Variants in ZFP37 observed in about 807,000 individuals in gnomAD.
ZFP37 encodes ZFP37 zinc finger protein, also known as zinc finger protein 37 homolog.
ZFP37 carries 38 observed loss-of-function variants against 52.1 expected under a neutral mutation model. That is an observed-to-expected ratio of 0.73 (90% CI 0.56 to 0.96). The LOEUF is 0.96. ZFP37 is among the 40% of genes least tolerant of loss of function. ZFP37 has a pLI of 0.00. For missense variants in ZFP37, 695 were observed against 741.4 expected (o/e 0.94, Z 0.73); for synonymous variants, 253 against 259.5 (o/e 0.98, Z 0.24).
chr9:113,043,518 T>C lies in ZFP37; in HGVS notation c.1100A>G (p.His367Arg). Reference sequence around the variant, plus strand: ...CTTTTCTCCAGTATGAATTCTTAGATGGTCAGTGAGTGCATGTTTATGACC... The same window carrying C: ...CTTTTCTCCAGTATGAATTCTTAGACGGTCAGTGAGTGCATGTTTATGACC... ...AHGHKHALTD[H>R]LRIHTGEKPY... is the part of the protein sequence containing the mutation. The change falls in exon 4 of 4, where the codon CAT becomes CGT. Residue 367 changes from histidine to arginine, a missense_variant. Around this residue, in one of 2 missense-constraint regions of ZFP37, gnomAD observed 326 missense variants for 400.5 expected, o/e 0.81. Coordinates refer to ENST00000374227, the MANE Select transcript of ZFP37 (RefSeq NM_003408.3). The C allele has an allele frequency of 6.2e-7, 1 of 1,614,136 alleles. No individual in the cohort carries two copies. Among genetic ancestry groups the C allele is most frequent in the Non-Finnish European group, 8.5e-7 (1 of 1,179,962 alleles).
Position 113,044,201 on chromosome 9 carries a change from A to T in ZFP37, c.417T>A (p.Val139=). The change falls in exon 4 of 4, where the codon GTT becomes GTA. Residue 139 remains valine, a synonymous_variant. Transcript: ENST00000374227. ...QKSQNKLLRE[V]AVKKKTQAKK... ...TAGCTTGAGTTTTCTTCTTGACTGC[A>T]ACTTCCCTGAGGAGTTTGTTTTGAG... 2 of 1,602,346 alleles carry T rather than the reference A, an allele frequency of 1.2e-6. No individual in the cohort carries two copies. Among genetic ancestry groups the T allele is most frequent in the Non-Finnish European group, 1.7e-6 (2 of 1,177,242 alleles).
intron 1 of ZFP37, among the ~76,000 whole-genome samples, chr9:113,051,031 G>A (rs1423557411): frequency 6.6e-6 from 1 of 151,842 alleles, no homozygotes; most frequent in Non-Finnish European, 1.5e-5. Flanking sequence ...GGAAGGGGAG[G>A]AGAAAGAGGA....
At chr9:113,053,771 T>C (rs867572245) in intron 1 of ZFP37, among the ~76,000 whole-genome samples, 3 of 152,206 alleles carry the variant, frequency 2.0e-5, no homozygotes, top group Admixed American at 6.5e-5. Context: ...TCTGTTAAAA[T>C]GGAAAGTCTT....
rs1179096420 is a variant in ZFP37 at position 113,043,239 on chromosome 9, G to A, written c.1379C>T (p.Pro460Leu). The A allele has an allele frequency of 2.5e-6, 4 of 1,613,892 alleles. No homozygotes were observed. Among genetic ancestry groups the A allele is most frequent in the Non-Finnish European group, 3.4e-6 (4 of 1,179,956 alleles). Reference sequence around the variant, plus strand: ...TTTCCCACATTCATTACATTCAAAGGGTTTCTCACCTGTATGAATTCTCAT... The same window carrying A: ...TTTCCCACATTCATTACATTCAAAGAGTTTCTCACCTGTATGAATTCTCAT... ...KHMRIHTGEKPFECNECGKAF... is the reference protein window; with the variant it reads ...KHMRIHTGEKLFECNECGKAF... The change falls in exon 4 of 4, where the codon CCC becomes CTC. Residue 460 changes from proline to leucine, a missense_variant. By Grantham distance (98) the Pro-to-Leu change is moderately conservative. This residue lies in a region of ZFP37 where 326 missense variants were observed against 400.5 expected (regional missense o/e 0.81). Coordinates refer to ENST00000374227, the MANE Select transcript of ZFP37 (RefSeq NM_003408.3).
chr9:113,047,594 A>T (rs969833176), intron 3 of ZFP37, among the ~76,000 whole-genome samples: 75 of 152,226 alleles, frequency 4.9e-4, no homozygotes, highest in African/African-American at 1.7e-3. Context: ...TATGAAAAAA[A>T]AGAGAAAAAA....
chr9:113,042,773 G>A lies in ZFP37; in HGVS notation c.1845C>T (p.Ser615=). ...ECGKTFKQNA[S]LTKHVKTHSE... The stretch of plus-strand genomic sequence containing the variant: ...AATGAGTTTTCACATGTTTGGTTAG[G>A]GATGCATTTTGTTTGAAAGTTTTCC... The change falls in exon 4 of 4, where the codon TCC becomes TCT. Residue 615 remains serine (S), a synonymous_variant. Coordinates refer to ENST00000374227, the MANE Select transcript of ZFP37 (RefSeq NM_003408.3). 6.2e-7 allele frequency: 1 copy of A among 1,605,802 alleles called. No homozygotes were observed. Among genetic ancestry groups the A allele is most frequent in the East Asian group, 2.2e-5 (1 of 44,736 alleles).
chr9:113,042,840 C>T lies in ZFP37; in HGVS notation c.1778G>A (p.Arg593Gln), dbSNP rs541249239. The T allele has an allele frequency of 8.9e-5, 143 of 1,613,686 alleles. No individual in the cohort carries two copies. The highest frequency in any genetic ancestry group is 8.3e-4 in the Middle Eastern group (5 of 6,052). Residue 593 changes from arginine to glutamine, a missense_variant, in exon 4 of 4, where the codon CGA becomes CAA. Arg to Gln is a conservative substitution (Grantham distance 43). Around this residue, in one of 2 missense-constraint regions of ZFP37, gnomAD observed 326 missense variants for 400.5 expected, o/e 0.81. Transcript: ENST00000374227. ...ATAGGGTTTTTCTCCAGTGTGGGAT[C>T]GCTGATGTATAACAAGCTGTGATTT... is the stretch of plus-strand genomic sequence containing the variant. ...NAKSQLVIHQRSHTGEKPYEC... is the reference protein window; with the variant it reads ...NAKSQLVIHQQSHTGEKPYEC...
chr9:113,043,033 T>C lies in ZFP37; in HGVS notation c.1585A>G (p.Ile529Val). 1 of 1,613,778 alleles carries C rather than the reference T, an allele frequency of 6.2e-7. No homozygotes were observed. Among genetic ancestry groups the C allele is most frequent in the Non-Finnish European group, 8.5e-7 (1 of 1,179,938 alleles). ...CTCTGATGTTGAGTAAGGCCTTCAA[T>C]TTGTTTAAAGCCTTTCCCACATTGA... Reference protein sequence around the residue: ...CNQCGKGFKQIEGLTQHQRVH... With the variant: ...CNQCGKGFKQVEGLTQHQRVH... The change falls in exon 4 of 4, where the codon ATT becomes GTT. Residue 529 changes from isoleucine (I) to valine (V), a missense_variant. Ile to Val is a conservative substitution (Grantham distance 29). Coordinates refer to ENST00000374227, the MANE Select transcript of ZFP37 (RefSeq NM_003408.3).
At chr9:113,053,307 T>C (rs546813090) in intron 1 of ZFP37, among the ~76,000 whole-genome samples, 1 of 152,220 alleles carries the variant, frequency 6.6e-6, no homozygotes, top group South Asian at 2.1e-4. Flanking sequence ...TCTAGCACCA[T>C]ACACAATCAA....
In ZFP37 at chr9:113,040,415, T is replaced by C. The variant is rs549325669; in HGVS notation, c.*2310A>G. The C allele has an allele frequency of 1.3e-5, 2 of 152,376 alleles. No individual in the cohort carries two copies. Among genetic ancestry groups the C allele is most frequent in the South Asian group, 2.1e-4 (1 of 4,828 alleles). The allele number at this position is 152,376 out of a possible 1,614,324, so 9.4% of individuals were successfully genotyped here. A position where few individuals can be genotyped will look rare whatever the true frequency, so the allele number is the denominator to read the frequency against. On this transcript the variant is annotated 3_prime_UTR_variant, in exon 4 of 4. Coordinates refer to ENST00000374227, the MANE Select transcript of ZFP37 (RefSeq NM_003408.3). ...AAATTACTGGTAGAAATGGCTTTCA[T>C]ATTGCATTTTCTTCCCATGTGATAA...
rs1313625798 is a variant in ZFP37 at position 113,042,658 on chromosome 9, T to C, written c.*67A>G. On this transcript the variant is annotated 3_prime_UTR_variant, in exon 4 of 4. Transcript: ENST00000374227. The stretch of plus-strand genomic sequence containing the variant: ...TTGCTAAAGGCTTTCTAACACTCTT[T>C]AAAATCAGCATATTTCCAAGGTTCA... 1 of 1,386,646 alleles carries C rather than the reference T, an allele frequency of 7.2e-7. No homozygotes were observed. The highest frequency in any genetic ancestry group is 9.7e-7 in the Non-Finnish European group (1 of 1,034,330). 85.9% of individuals were successfully genotyped at this position (1,386,646 alleles called of 1,614,324 possible).
At position 113,049,780 on chromosome 9, in the gene ZFP37, ATTG is replaced by A; in HGVS notation, c.214+8_214+10del. ...TGGACACATTTTGAATTACAAAGGA[ATTG>A]TTCTTACCCATTGAGGCTTGGTTGC... On this transcript the variant is annotated splice_region_variant and intron_variant, in intron 2 of 3. Transcript: ENST00000374227. The A allele has an allele frequency of 6.2e-7, 1 of 1,612,254 alleles. No individual in the cohort carries two copies. The highest frequency in any genetic ancestry group is 8.5e-7 in the Non-Finnish European group (1 of 1,179,262).
chr9:113,044,879 A>G (rs1828924565), intron 3 of ZFP37, among the ~76,000 whole-genome samples: 1 of 151,968 alleles, frequency 6.6e-6, no homozygotes, highest in African/African-American at 2.4e-5. Flanking sequence ...AGTATGAACC[A>G]TCCACACACC....
In ZFP37 at chr9:113,043,402, C is replaced by T. The variant is rs202091406; in HGVS notation, c.1216G>A (p.Glu406Lys). 2.7e-4 allele frequency: 431 copies of T among 1,614,128 alleles called. 1 individual carries two copies. The South Asian group carries it at 3.4e-3, about 13-fold the overall frequency. Residue 406 changes from glutamate (E) to lysine (K), a missense_variant, in exon 4 of 4, where the codon GAA becomes AAA. Physicochemically the swap from Glu to Lys is moderately conservative, Grantham distance 56. This residue lies in a region of ZFP37 where 326 missense variants were observed against 400.5 expected (regional missense o/e 0.81). Coordinates refer to ENST00000374227, the MANE Select transcript of ZFP37 (RefSeq NM_003408.3). Reference sequence around the variant, plus strand: ...AAAGACTTCCCACATTCCTTACATTCATATGGCTTCTCACCTGTGTGAGAT... The same window carrying T: ...AAAGACTTCCCACATTCCTTACATTTATATGGCTTCTCACCTGTGTGAGAT... ...VRSHTGEKPY[E>K]CKECGKSFRY...
intron 2 of ZFP37, 130 bp from the exon 3 acceptor site, chr9:113,049,626 T>C: frequency 7.0e-7 from 1 of 1,429,366 alleles, no homozygotes; most frequent in Non-Finnish European, 9.4e-7. Context: ...CCAGGTCAGC[T>C]AAATAGACCT....
Position 113,056,629 on chromosome 9 carries a change from TCTC to T in ZFP37, c.57_59del (p.Arg20del), listed in dbSNP as rs752210846. The T allele has an allele frequency of 2.9e-5, 46 of 1,613,852 alleles. No homozygotes were observed. The highest frequency in any genetic ancestry group is 1.1e-4 in the South Asian group (10 of 91,078). ...CGGCCTCTTTGGTCGTTTCCGCACT[TCTC>T]CTCCGGTCCACGGTCTCTGGCTTTG... On this transcript the variant is annotated inframe_deletion, in exon 1 of 4. Transcript: ENST00000374227.
rs1381832306 is a variant in ZFP37 at position 113,041,929 on chromosome 9, C to G, written c.*796G>C. The G allele has an allele frequency of 6.6e-6, 1 of 152,190 alleles. No homozygotes were observed. Among genetic ancestry groups the G allele is most frequent in the African/African-American group, 2.4e-5 (1 of 41,436 alleles). The allele number at this position is 152,190 out of a possible 1,614,324, so 9.4% of individuals were successfully genotyped here. ...TCCTAGACCCCAGTCCTATACTCCT[C>G]TGCCCAATGGCAACCACCATGAAGT... is the stretch of plus-strand genomic sequence containing the variant. On this transcript the variant is annotated 3_prime_UTR_variant, in exon 4 of 4. Coordinates refer to ENST00000374227, the MANE Select transcript of ZFP37 (RefSeq NM_003408.3).
Position 113,052,295 on chromosome 9 carries a change from A to C in ZFP37, c.133-2423T>G, listed in dbSNP as rs1829071072. ...ACCACCCCTCTCCCTGCCATGACCC[A>C]TGTACCTCAGGGTCTAAAGATGAGG... On this transcript the variant is annotated intron_variant, in intron 1 of 3. Transcript: ENST00000374227. The surrounding 1 kb of genome is among the most constrained non-coding windows in gnomAD (Gnocchi z 4.1). 2.0e-5 allele frequency among the ~76,000 whole-genome samples: 3 copies of C among 152,118 alleles called. No individual in the cohort carries two copies. The highest frequency in any genetic ancestry group is 2.0e-4 in the Admixed American group (3 of 15,266).
intron 3 of ZFP37, among the ~76,000 whole-genome samples, chr9:113,046,455 A>G (rs1420005645): frequency 2.0e-5 from 3 of 152,092 alleles, no homozygotes; most frequent in Admixed American, 2.0e-4. Flanking sequence ...CTGGAAAGAA[A>G]GGAATCAAAA....
Sources: gnomAD v4.1 joint callset for allele counts (sites outside exome capture counted in the v4.1 genomes callset) on GRCh38, gnomAD v4.1.1 for gene constraint, gnomAD v4.1.1 regional missense constraint, Gnocchi (gnomAD v3.1) non-coding constraint, MANE v1.5 for transcripts, NCBI Gene and HGNC (gene_info 2026-07-23, HGNC 2026-07-21) for gene names.